CLTCL1: variants seen among roughly 807,000 people sequenced by gnomAD.
CLTCL1 encodes the protein clathrin heavy chain like 1.
Under a neutral mutation model 190.0 loss-of-function variants are expected in CLTCL1, and 159 were observed. The ratio of observed to expected loss-of-function variants is 0.84; its 90% confidence interval spans 0.74 to 0.95. The LOEUF is 0.95. Among genes scored for constraint, CLTCL1 ranks in the 40% least tolerant of loss-of-function variants. The pLI, the probability that CLTCL1 is intolerant of heterozygous loss-of-function variation, is 0.00. For synonymous variants in CLTCL1, 752 were observed against 769.6 expected, an observed-to-expected ratio of 0.98 and a Z score of 0.38; for missense variants, 1,878 against 2,033.4, an observed-to-expected ratio of 0.92 and a Z score of 1.47.
chr22:19,199,949 A>AT, intron 23 of CLTCL1, 108 bp from the exon 24 acceptor site: 1 of 656,960 alleles, frequency 1.5e-6, no homozygotes, highest in Non-Finnish European at 2.6e-6. Flanking sequence ...GCAGTGGGGT[A>AT]TTTTAAGTTG....
intron 1 of CLTCL1, among the ~76,000 whole-genome samples, chr22:19,290,678 C>CA (rs1255856487): frequency 6.6e-6 from 1 of 152,182 alleles, no homozygotes; most frequent in African/African-American, 2.4e-5. Flanking sequence ...CTAGGGCTAA[C>CA]AGTGCTCTGC....
rs1555938029 is a variant in CLTCL1 at position 19,199,809 on chromosome 22, G to T, written c.3798C>A (p.Phe1266Leu). The part of the protein sequence containing the change: ...VCFACMDGQE[F>L]RFAQLCGLHI... ...GAAGACCACACAGCTGTGCGAAGCG[G>T]AACTCTTGTCCATCCATGCAGGCAA... Residue 1266 changes from phenylalanine (F) to leucine (L), a missense_variant, in exon 24 of 33, where the codon TTC becomes TTA. Phe to Leu is a conservative substitution (Grantham distance 22). Transcript: ENST00000427926. 6.3e-7 allele frequency: 1 copy of T among 1,597,634 alleles called. No homozygotes were observed. The highest frequency in any genetic ancestry group is 8.5e-7 in the Non-Finnish European group (1 of 1,172,470).
intron 3 of CLTCL1, among the ~76,000 whole-genome samples, chr22:19,250,460 T>C (rs2086558428): frequency 6.6e-6 from 1 of 151,470 alleles, no homozygotes; most frequent in African/African-American, 2.4e-5. Context: ...TGCCTGAGCC[T>C]CCCACGTAGC....
intron 15 of CLTCL1, 134 bp downstream of exon 15, chr22:19,222,550 G>A: frequency 9.7e-7 from 1 of 1,029,286 alleles, no homozygotes; most frequent in Non-Finnish European, 1.4e-6. Flanking sequence ...CTGGCAGTCT[G>A]AGCACACGAA....
intron 10 of CLTCL1, among the ~76,000 whole-genome samples, chr22:19,230,712 A>C (rs1028508170): frequency 6.6e-6 from 1 of 152,216 alleles, no homozygotes; most frequent in South Asian, 2.1e-4. Flanking sequence ...GTAATCATAC[A>C]TTACTTAATC....
At chr22:19,189,633 C>A (rs2084425980) in intron 27 of CLTCL1, among the ~76,000 whole-genome samples, 2 of 152,206 alleles carry the variant, frequency 1.3e-5, no homozygotes, top group South Asian at 2.1e-4. Flanking sequence ...GCTGTTTCCC[C>A]CACATCTGCA....
At chr22:19,182,747 C>G (rs1158968288) in intron 30 of CLTCL1, 1 of 152,300 alleles carries the variant, frequency 6.6e-6, no homozygotes, top group Non-Finnish European at 1.5e-5. Context: ...CTGGAAGTAG[C>G]TTTTCCAGTG....
At chr22:19,269,762 C>A (rs117082938) in intron 2 of CLTCL1, among the ~76,000 whole-genome samples, 1,719 of 152,140 alleles carry the variant, frequency 0.011, 16 homozygotes, top group Non-Finnish European at 0.017. Context: ...AGGGGAACAA[C>A]ACACACCAGG....
At chr22:19,212,577 GA>G (rs199812370) in intron 19 of CLTCL1, among the ~76,000 whole-genome samples, 15 of 133,512 alleles carry the variant, frequency 1.1e-4, no homozygotes, top group Middle Eastern at 3.7e-3. Flanking sequence ...GAGAAAGAAA[GA>G]AAGAAAGAGA....
chr22:19,269,710 C>G (rs903137600), intron 2 of CLTCL1, among the ~76,000 whole-genome samples: 1 of 152,078 alleles, frequency 6.6e-6, no homozygotes, highest in African/African-American at 2.4e-5. Flanking sequence ...CATGTTCTCA[C>G]TCATAAGTGG....
chr22:19,268,158 G>A (rs1481868656), intron 2 of CLTCL1, among the ~76,000 whole-genome samples: 1 of 152,148 alleles, frequency 6.6e-6, no homozygotes, highest in African/African-American at 2.4e-5. Context: ...GCTTGATGGA[G>A]GGACTTAGGT....
chr22:19,255,697 G>C (rs1019393986), intron 2 of CLTCL1, among the ~76,000 whole-genome samples: 1 of 151,060 alleles, frequency 6.6e-6, no homozygotes, highest in Admixed American at 6.6e-5. Flanking sequence ...ATTACCGGAG[G>C]TCAGGAGTTC....
chr22:19,180,087 AC>A, intron 32 of CLTCL1, 111 bp downstream of exon 32: 1 of 941,914 alleles, frequency 1.1e-6, no homozygotes, highest in Non-Finnish European at 1.7e-6. Context: ...AGCCCTTACC[AC>A]CCAGACGCTG....
At chr22:19,186,506 C>T (rs1227493506) in intron 29 of CLTCL1, among the ~76,000 whole-genome samples, 1 of 152,196 alleles carries the variant, frequency 6.6e-6, no homozygotes, top group Non-Finnish European at 1.5e-5. Context: ...CTCAAGTGAT[C>T]CTCCCACTTC....
intron 3 of CLTCL1, among the ~76,000 whole-genome samples, chr22:19,243,271 T>C (rs1176353743): frequency 6.6e-6 from 1 of 152,198 alleles, no homozygotes; most frequent in African/African-American, 2.4e-5. Context: ...AATCGGGGGA[T>C]GCAATCACAG....
At position 19,225,585 on chromosome 22, in the gene CLTCL1, A is replaced by C. The variant is rs536240733; in HGVS notation, c.1996T>G (p.Cys666Gly). The C allele has an allele frequency of 2.5e-6, 4 of 1,577,756 alleles. No homozygotes were observed. In the South Asian group the frequency reaches 4.7e-5, roughly 18 times the overall value. Residue 666 changes from cysteine to glycine, a missense_variant, in exon 13 of 33, where the codon TGT becomes GGT. Transcript: ENST00000427926. ...GSLSVEDSVE[C>G]LHAMLSANIR... ...TTAGCAGACAGCATGGCATGCAGAC[A>C]CTCCACAGAATCCTCCACCGATAAG... is the stretch of plus-strand genomic sequence containing the variant.
chr22:19,208,850 C>T (rs2085130890), intron 21 of CLTCL1, 72 bp downstream of exon 21: 9 of 1,265,812 alleles, frequency 7.1e-6, no homozygotes, highest in Non-Finnish European at 8.7e-6. Context: ...GTGAGAATCT[C>T]TTCAACTTCT....
chr22:19,285,841 C>T (rs1286528601), intron 1 of CLTCL1, among the ~76,000 whole-genome samples: 4 of 152,158 alleles, frequency 2.6e-5, no homozygotes, highest in Non-Finnish European at 5.9e-5. Flanking sequence ...TACTGATAAA[C>T]AACATGTCAG....
rs782097940 is a variant in CLTCL1 at position 19,188,047 on chromosome 22, C to T, written c.4368G>A (p.Gln1456=). ...PLVKPYLRSV[Q]SHNNKSVNEA... ...CATTCACACTCTTGTTGTTGTGGCT[C>T]TGGACTGACCGCAGGTAAGGCTTCA... Residue 1456 remains glutamine (Q), a synonymous_variant, in exon 28 of 33, where the codon CAG becomes CAA. Coordinates refer to ENST00000427926, the MANE Select transcript of CLTCL1 (RefSeq NM_007098.4). The T allele has an allele frequency of 6.2e-7, 1 of 1,614,032 alleles. No homozygotes were observed. The highest frequency in any genetic ancestry group is 8.5e-7 in the Non-Finnish European group (1 of 1,179,894).
Sources: gnomAD v4.1 joint callset for allele counts (sites outside exome capture counted in the v4.1 genomes callset) on GRCh38, gnomAD v4.1.1 for gene constraint, MANE v1.5 for transcripts, NCBI Gene and HGNC (gene_info 2026-07-23, HGNC 2026-07-21) for gene names.